The following DLC1 variants were observed in gnomAD, a reference collection of about 807,000 sequenced individuals.
The protein encoded by DLC1 is DLC1 Rho GTPase activating protein.
A neutral mutation model predicts 140.3 loss-of-function variants in DLC1; 54 were observed. That is an observed-to-expected ratio of 0.38 (90% CI 0.31 to 0.48). The LOEUF (loss-of-function observed/expected upper bound fraction) is 0.48, where lower values mean the gene tolerates loss of function less well. Ranked by LOEUF, DLC1 falls within the 20% of genes least tolerant of loss-of-function variation. DLC1 has a pLI of 0.96. For missense variants in DLC1, 2,536 were observed against 1,907.0 expected (o/e 1.33, Z -6.14); for synonymous variants, 986 against 728.1 (o/e 1.35, Z -5.70).
intron 5 of DLC1, among the ~76,000 whole-genome samples, chr8:13,188,671 C>A (rs1826532076): frequency 1.5e-5 from 2 of 130,042 alleles, no homozygotes; most frequent in South Asian, 5.0e-4. Flanking sequence ...GTGGTGTGAT[C>A]TTGGCTCACT....
At chr8:13,209,803 G>C (rs1211850578) in intron 5 of DLC1, among the ~76,000 whole-genome samples, 1 of 152,120 alleles carries the variant, frequency 6.6e-6, no homozygotes, top group Admixed American at 6.6e-5. Flanking sequence ...ATGATTGTAA[G>C]CTTACTGAGG....
At chr8:13,450,742 A>G (rs1038501198) in intron 2 of DLC1, among the ~76,000 whole-genome samples, 19 of 152,056 alleles carry the variant, frequency 1.2e-4, no homozygotes, top group African/African-American at 4.6e-4. Context: ...TGTCATCCCA[A>G]TGAAAATAAA....
At chr8:13,584,572 A>T (rs1805235163) in intron 1 of DLC1, 1 of 152,230 alleles carries the variant, frequency 6.6e-6, no homozygotes, top group Non-Finnish European at 1.5e-5. Context: ...CAATAAAAAC[A>T]CATTGCAAAA....
intron 1 of DLC1, among the ~76,000 whole-genome samples, 200 bp downstream of exon 1, chr8:13,514,402 C>T (rs987450435): frequency 6.6e-6 from 1 of 152,166 alleles, no homozygotes; most frequent in Non-Finnish European, 1.5e-5. Context: ...CTATATGGAG[C>T]CTGTTTTAGA....
intron 1 of DLC1, among the ~76,000 whole-genome samples, chr8:13,523,932 G>A (rs1338655423): frequency 1.3e-5 from 2 of 151,388 alleles, no homozygotes; most frequent in East Asian, 1.9e-4. Flanking sequence ...AGTGAGGAGA[G>A]TATAGAAATG....
intron 1 of DLC1, among the ~76,000 whole-genome samples, chr8:13,513,340 T>G: frequency 6.6e-6 from 1 of 152,146 alleles, no homozygotes; most frequent in East Asian, 1.9e-4. Context: ...AAGTAGATTC[T>G]TTTTCTCATA....
At chr8:13,164,014 C>G (rs1169497131) in intron 5 of DLC1, among the ~76,000 whole-genome samples, 1 of 151,140 alleles carries the variant, frequency 6.6e-6, no homozygotes, top group East Asian at 2.0e-4. Context: ...AAAAAATTCT[C>G]AGCCGGGCGT....
chr8:13,122,058 G>A (rs145566515), intron 5 of DLC1, among the ~76,000 whole-genome samples: 2 of 152,006 alleles, frequency 1.3e-5, no homozygotes, highest in East Asian at 1.9e-4. Flanking sequence ...GCCTCCTCAC[G>A]GAACTCTGAT....
chr8:13,373,652 G>A (rs1240047936), intron 4 of DLC1, among the ~76,000 whole-genome samples: 1 of 152,126 alleles, frequency 6.6e-6, no homozygotes, highest in Non-Finnish European at 1.5e-5. Context: ...ATTACTTTCA[G>A]AAAGTACATC....
At chr8:13,255,874 C>T (rs1014762549) in intron 5 of DLC1, among the ~76,000 whole-genome samples, 1 of 152,156 alleles carries the variant, frequency 6.6e-6, no homozygotes, top group Non-Finnish European at 1.5e-5. Flanking sequence ...AAGAATATTG[C>T]CCATTGCCCT....
At chr8:13,394,188 C>T (rs572552084) in intron 3 of DLC1, among the ~76,000 whole-genome samples, 7 of 152,276 alleles carry the variant, frequency 4.6e-5, no homozygotes, top group African/African-American at 1.4e-4. Context: ...ACAGCTATTA[C>T]GGTGGCCTGG....
intron 2 of DLC1, among the ~76,000 whole-genome samples, chr8:13,451,061 AAAAAAAAG>A (rs765604109): frequency 2.2e-4 from 31 of 138,442 alleles, no homozygotes; most frequent in African/African-American, 6.2e-4. Flanking sequence ...AAAAAAAAAA[AAAAAAAAG>A]AAAAAAAGAA....
intron 1 of DLC1, among the ~76,000 whole-genome samples, chr8:13,584,847 G>A (rs146410465): frequency 9.0e-4 from 137 of 152,114 alleles, no homozygotes; most frequent in African/African-American, 3.2e-3. Context: ...TCTTTCTCCC[G>A]CAATAGGTCT....
chr8:13,442,748 T>C (rs979630534), intron 2 of DLC1, among the ~76,000 whole-genome samples: 1 of 152,232 alleles, frequency 6.6e-6, no homozygotes, highest in Non-Finnish European at 1.5e-5. Flanking sequence ...ACTTTTACAC[T>C]GTTGGTGGGA....
chr8:13,143,845 A>AGAGAGAGAGAGAGAGAGAGAGAGAGG (rs1823216333), intron 5 of DLC1, among the ~76,000 whole-genome samples: 2 of 151,460 alleles, frequency 1.3e-5, no homozygotes, highest in African/African-American at 4.9e-5. Flanking sequence ...AGAGAGAGAG[A>AGAGAGAGAGAGAGAGAGAGAGAGAGG]GAGAGAGACA....
At chr8:13,418,498 C>G (rs1390139639) in intron 2 of DLC1, among the ~76,000 whole-genome samples, 3 of 152,142 alleles carry the variant, frequency 2.0e-5, no homozygotes, top group Non-Finnish European at 4.4e-5. Flanking sequence ...TTGTTTTTGT[C>G]ACATGTGTCA....
intron 5 of DLC1, among the ~76,000 whole-genome samples, chr8:13,120,342 C>CAAAAA (rs1554577908): frequency 3.4e-4 from 20 of 58,792 alleles, no homozygotes; most frequent in Non-Finnish European, 4.4e-4. Flanking sequence ...GACTCCGTCG[C>CAAAAA]AAAAAAAAAA....
At chr8:13,214,117 T>A (rs1828076347) in intron 5 of DLC1, 1 of 153,560 alleles carries the variant, frequency 6.5e-6, no homozygotes, top group African/African-American at 2.4e-5. Context: ...AGATATATTC[T>A]GAGTACAATA....
intron 4 of DLC1, among the ~76,000 whole-genome samples, chr8:13,335,163 A>T (rs1201191037): frequency 1.3e-5 from 2 of 152,104 alleles, no homozygotes; most frequent in South Asian, 4.1e-4. Context: ...GAGAAAAGAG[A>T]CAGGAAGAAA....
Sources: allele counts gnomAD v4.1 joint callset (sites outside exome capture counted in the v4.1 genomes callset), GRCh38; gene constraint gnomAD v4.1.1; transcripts MANE v1.5; gene names NCBI Gene and HGNC (gene_info 2026-07-23, HGNC 2026-07-21).